The following PHACTR2 variants were observed in gnomAD, a reference collection of about 807,000 sequenced individuals.
PHACTR2 encodes phosphatase and actin regulator 2, also known as chromosome 6 open reading frame 56.
Under a neutral mutation model 76.0 loss-of-function variants are expected in PHACTR2, and 30 were observed. That is an observed-to-expected ratio of 0.39 (90% CI 0.30 to 0.54). The LOEUF (loss-of-function observed/expected upper bound fraction) is 0.54. Ranked by LOEUF, PHACTR2 falls within the 20% of genes least tolerant of loss-of-function variation. The pLI, the probability that PHACTR2 is intolerant of heterozygous loss-of-function variation, is 0.61. For synonymous variants in PHACTR2, 292 were observed against 292.5 expected (o/e 1.00, Z 0.02); for missense variants, 696 against 781.1 (o/e 0.89, Z 1.30).
intron 1 of PHACTR2, among the ~76,000 whole-genome samples, chr6:143,579,287 G>T (rs1253420169): frequency 6.6e-6 from 1 of 152,142 alleles, no homozygotes; most frequent in Non-Finnish European, 1.5e-5. Context: ...AGGAGGGAAA[G>T]TGTGGGGGAA....
At position 143,689,696 on chromosome 6, in the gene PHACTR2, C is replaced by CTTT. The variant is rs35628481; in HGVS notation, c.46+11499_46+11501dup. Reference sequence around the variant, plus strand: ...TTCCCATTTTCTCATCTTCTCAAGTCTTTTTTTTTTTTTTGAGATGGAGTG... The same window carrying CTTT: ...TTCCCATTTTCTCATCTTCTCAAGTCTTTTTTTTTTTTTTTTTGAGATGGAGTG... On this transcript the variant is annotated intron_variant, in intron 1 of 12. Coordinates refer to ENST00000440869, the MANE Select transcript of PHACTR2 (RefSeq NM_001100164.2). The surrounding 1 kb of genome is among the most constrained non-coding windows in gnomAD (Gnocchi z 4.4). Among the ~76,000 whole-genome samples, 1,628 of 139,444 alleles carry CTTT rather than the reference C, an allele frequency of 0.012. 47 individuals carry two copies. Among genetic ancestry groups the CTTT allele is most frequent in the African/African-American group, 0.04 (1,495 of 37,014 alleles). The allele number at this position is 139,444 out of a possible 152,430, so 91.5% of individuals were successfully genotyped here.
intron 1 of PHACTR2, among the ~76,000 whole-genome samples, chr6:143,614,626 T>C (rs902999028): frequency 6.6e-6 from 1 of 152,208 alleles, no homozygotes; most frequent in Non-Finnish European, 1.5e-5. Context: ...CCATTGCACA[T>C]GTACATGAAT....
In PHACTR2 at chr6:143,583,188, C is replaced by T. The variant is rs1158605892; in HGVS notation, c.217+45981C>T. Among the ~76,000 whole-genome samples the T allele has an allele frequency of 1.3e-5, 2 of 152,152 alleles. No individual in the cohort carries two copies. Among genetic ancestry groups the T allele is most frequent in the African/African-American group, 4.8e-5 (2 of 41,426 alleles). ...GGTATCTGTGAATTCACCATGGCCA[C>T]GGTAGTGATAAAGAGCATTCCTCCA... On this transcript the variant is annotated intron_variant, in intron 1 of 11. Transcript: ENST00000367584. This position sits in a 1 kb window ranked among gnomAD's most constrained non-coding sequence, Gnocchi z 4.0.
rs1562314970 is a variant in PHACTR2, at chr6:143,807,704, C to A, written c.1922+571C>A. 6.6e-6 allele frequency among the ~76,000 whole-genome samples: 1 copy of A among 152,178 alleles called. No individual in the cohort carries two copies. Among genetic ancestry groups the A allele is most frequent in the Admixed American group, 6.5e-5 (1 of 15,272 alleles). On this transcript the variant is annotated intron_variant, in intron 12 of 12. Transcript: ENST00000440869. The surrounding 1 kb of genome is among the most constrained non-coding windows in gnomAD (Gnocchi z 5.5). ...GAAGCTGACTTTTCAGAAGATGTAA[C>A]TTTAGGATGGGAATCCTGATTTTAC...
rs1001827970 is a variant in PHACTR2, at chr6:143,794,198, A to G, written c.1845+5288A>G. On this transcript the variant is annotated intron_variant, in intron 11 of 12. Transcript: ENST00000440869. The surrounding 1 kb of genome is among the most constrained non-coding windows in gnomAD (Gnocchi z 4.1). ...ATGAAATAGTACAATATTATTGCCC[A>G]AAGATCCTAAGACTATCAATGGTCT... Among the ~76,000 whole-genome samples, 5 of 151,812 alleles carry G rather than the reference A, an allele frequency of 3.3e-5. No homozygotes were observed. Among genetic ancestry groups the G allele is most frequent in the Non-Finnish European group, 7.4e-5 (5 of 67,928 alleles).
chr6:143,640,083 A>G (rs573346207), intron 1 of PHACTR2, among the ~76,000 whole-genome samples: 54 of 152,352 alleles, frequency 3.5e-4, no homozygotes, highest in African/African-American at 1.1e-3. Context: ...TTGTGCTGTC[A>G]TAGTGCAAAT....
At position 143,782,712 on chromosome 6, in the gene PHACTR2, G is replaced by A. The variant is rs764857525; in HGVS notation, c.1646-507G>A. On this transcript the variant is annotated intron_variant, in intron 9 of 12. Transcript: ENST00000440869. This position sits in a 1 kb window ranked among gnomAD's most constrained non-coding sequence, Gnocchi z 4.6. ...TTCTGCTTCTATGGAAACGAAGGAA[G>A]ACAAATCAAATATTTTGGTTGGATT... 6.6e-6 allele frequency among the ~76,000 whole-genome samples: 1 copy of A among 152,156 alleles called. No individual in the cohort carries two copies. Among genetic ancestry groups the A allele is most frequent in the Non-Finnish European group, 1.5e-5 (1 of 68,022 alleles).
intron 2 of PHACTR2, among the ~76,000 whole-genome samples, chr6:143,723,947 GT>G (rs1273696486): frequency 2.6e-5 from 4 of 151,294 alleles, no homozygotes; most frequent in African/African-American, 4.9e-5. Context: ...TAATTCTTCC[GT>G]TTTTTTCTTT....
intron 5 of PHACTR2, among the ~76,000 whole-genome samples, chr6:143,762,308 G>A (rs896380257): frequency 3.3e-5 from 5 of 152,166 alleles, no homozygotes; most frequent in South Asian, 4.1e-4. Context: ...GAAGAAAGCC[G>A]ATGATTAACA....
At chr6:143,544,551 G>A (rs1408647459) in intron 1 of PHACTR2, among the ~76,000 whole-genome samples, 1 of 152,092 alleles carries the variant, frequency 6.6e-6, no homozygotes. Flanking sequence ...ATAGCTCATA[G>A]GATTATTGTG....
chr6:143,545,446 T>G (rs892919256), intron 1 of PHACTR2, among the ~76,000 whole-genome samples: 1 of 152,208 alleles, frequency 6.6e-6, no homozygotes, highest in Admixed American at 6.5e-5. Flanking sequence ...GGGTATTGGA[T>G]GCAAGAGTGT....
intron 1 of PHACTR2, among the ~76,000 whole-genome samples, chr6:143,668,466 T>C (rs1777086245): frequency 1.3e-5 from 2 of 152,336 alleles, no homozygotes; most frequent in African/African-American, 4.8e-5. Context: ...CTCCTCTCTG[T>C]ACCTCTGGTA....
rs1375429165 is a variant in PHACTR2 at position 143,558,806 on chromosome 6, G to T, written c.217+21599G>T. On this transcript the variant is annotated intron_variant, in intron 1 of 11. Transcript: ENST00000367584. The surrounding 1 kb of genome is among the most constrained non-coding windows in gnomAD (Gnocchi z 4.7). The stretch of plus-strand genomic sequence containing the variant: ...TTAGGATTTGTAGACCTCTGAGGAG[G>T]ATTTCAGGACCTTGCTGCAAACAGT... Among the ~76,000 whole-genome samples, 2 of 152,162 alleles carry T rather than the reference G, an allele frequency of 1.3e-5. No individual in the cohort carries two copies. The highest frequency in any genetic ancestry group is 2.9e-5 in the Non-Finnish European group (2 of 68,020).
Position 143,757,631 on chromosome 6 carries a change from C to T in PHACTR2, c.455-2770C>T, listed in dbSNP as rs570275041. On this transcript the variant is annotated intron_variant, in intron 4 of 12. Coordinates refer to ENST00000440869, the MANE Select transcript of PHACTR2 (RefSeq NM_001100164.2). This position sits in a 1 kb window ranked among gnomAD's most constrained non-coding sequence, Gnocchi z 4.2. ...TAGCGTCCTTATCAAGCCAGAATGA[C>T]GAGGCAGCCCTTTCTCAACCTTCTC... is the stretch of plus-strand genomic sequence containing the variant. Among the ~76,000 whole-genome samples, 147 of 152,268 alleles carry T rather than the reference C, an allele frequency of 9.7e-4. No homozygotes were observed. The highest frequency in any genetic ancestry group is 1.8e-3 in the Non-Finnish European group (121 of 68,006).
rs1035792324 is a variant in PHACTR2 at position 143,537,586 on chromosome 6, T to C, written c.217+379T>C. Among the ~76,000 whole-genome samples, 1 of 152,124 alleles carries C rather than the reference T, an allele frequency of 6.6e-6. No individual in the cohort carries two copies. The highest frequency in any genetic ancestry group is 6.5e-5 in the Admixed American group (1 of 15,290). On this transcript the variant is annotated intron_variant, in intron 1 of 11. Transcript: ENST00000367584. The surrounding 1 kb of genome is among the most constrained non-coding windows in gnomAD (Gnocchi z 4.4). ...CGGTCTTCGGCGCGACTTTGGTCCC[T>C]CGGAAGGGTGCGGTTCCCTCACTTT...
intron 1 of PHACTR2, among the ~76,000 whole-genome samples, chr6:143,600,100 C>T (rs1464589251): frequency 6.6e-6 from 1 of 152,244 alleles, no homozygotes; most frequent in Non-Finnish European, 1.5e-5. Context: ...TAGCAGGCTG[C>T]CCGCCGTCCG....
chr6:143,700,336 C>T lies in PHACTR2; in HGVS notation c.47-11680C>T, dbSNP rs1030826697. ...TTGGGAGGCTGAGGTGGGCGGATCACTTGAGCTTAGGAGTTTGAGACTGGC... is the reference window on the plus strand; with the variant it reads ...TTGGGAGGCTGAGGTGGGCGGATCATTTGAGCTTAGGAGTTTGAGACTGGC... On this transcript the variant is annotated intron_variant, in intron 1 of 12. Transcript: ENST00000440869. The surrounding 1 kb of genome is among the most constrained non-coding windows in gnomAD (Gnocchi z 4.1). Among the ~76,000 whole-genome samples, 6 of 152,154 alleles carry T rather than the reference C, an allele frequency of 3.9e-5. No individual in the cohort carries two copies. The highest frequency in any genetic ancestry group is 8.8e-5 in the Non-Finnish European group (6 of 68,034).
chr6:143,809,617 C>T lies in PHACTR2; in HGVS notation c.1922+2484C>T, dbSNP rs774001460. 3.0e-4 allele frequency among the ~76,000 whole-genome samples: 45 copies of T among 151,988 alleles called. No individual in the cohort carries two copies. Among genetic ancestry groups the T allele is most frequent in the Non-Finnish European group, 7.4e-5 (5 of 67,984 alleles). On this transcript the variant is annotated intron_variant, in intron 12 of 12. Transcript: ENST00000440869. The surrounding 1 kb of genome is among the most constrained non-coding windows in gnomAD (Gnocchi z 4.2). ...TAAATGAAAAACCTTCACTCCTTTC[C>T]CAACCTCATTTCTGTTCTCACAGGT...
rs1776275955 is a variant in PHACTR2 at position 143,627,142 on chromosome 6, G to T, written c.13+18820G>T. On this transcript the variant is annotated intron_variant, in intron 1 of 11. Transcript: ENST00000305766. The surrounding 1 kb of genome is among the most constrained non-coding windows in gnomAD (Gnocchi z 4.3). ...TATCTATGAACCAAACAAGTTAGAA[G>T]GTCCAGGAGGGAAGTGCCACTTGGT... Among the ~76,000 whole-genome samples, 2 of 152,176 alleles carry T rather than the reference G, an allele frequency of 1.3e-5. No individual in the cohort carries two copies. The highest frequency in any genetic ancestry group is 1.3e-4 in the Admixed American group (2 of 15,282).
Sources: gnomAD v4.1 joint callset for allele counts (sites outside exome capture counted in the v4.1 genomes callset) on GRCh38, gnomAD v4.1.1 for gene constraint, Gnocchi (gnomAD v3.1) non-coding constraint, MANE v1.5 for transcripts, NCBI Gene and HGNC (gene_info 2026-07-23, HGNC 2026-07-21) for gene names.